PSMA4: variants seen among roughly 807,000 people sequenced by gnomAD.
PSMA4 encodes proteasome 20S subunit alpha 4.
PSMA4 carries 8 observed loss-of-function variants against 37.2 expected under a neutral mutation model. That is an observed-to-expected ratio of 0.22 (90% CI 0.13 to 0.39). PSMA4 has a LOEUF of 0.39. Among genes scored for constraint, PSMA4 ranks in the 10% least tolerant of loss-of-function variants. The pLI is 1.00. For synonymous variants in PSMA4, 93 were observed against 98.8 expected (o/e 0.94, Z 0.35); for missense variants, 169 against 305.1 (o/e 0.55, Z 3.32).
rs759121599 is a variant in PSMA4 at position 78,542,188 on chromosome 15, T to C, written c.15T>C (p.Tyr5=). 8 of 1,611,926 alleles carry C rather than the reference T, an allele frequency of 5.0e-6. No homozygotes were observed. Among genetic ancestry groups the C allele is most frequent in the African/African-American group, 4.0e-5 (3 of 74,820 alleles). Reference sequence around the variant, plus strand: ...TTTTTCCTTTGCAGTCTCGAAGATATGACTCCAGGACCACTATATTTTCTC... The same window carrying C: ...TTTTTCCTTTGCAGTCTCGAAGATACGACTCCAGGACCACTATATTTTCTC... MSRR[Y]DSRTTIFSPE... Residue 5 remains tyrosine (Y), a synonymous_variant, in exon 3 of 9, where the codon TAT becomes TAC. Transcript: ENST00000044462.
In PSMA4 at chr15:78,552,141, T is replaced by C. The variant is rs2052651747; in HGVS notation, c.*3197T>C. On this transcript the variant is annotated 3_prime_UTR_variant, in exon 9 of 9. Coordinates refer to ENST00000044462, the MANE Select transcript of PSMA4 (RefSeq NM_002789.6). ...TTAACCTGAGTTGCAGGACAGGTGG[T>C]TTCCAGAGTGTTGCCTGATGCATCC... 1.3e-5 allele frequency: 2 copies of C among 152,200 alleles called. No individual in the cohort carries two copies. The highest frequency in any genetic ancestry group is 6.5e-5 in the Admixed American group (1 of 15,276). The allele number at this position is 152,200 out of a possible 1,614,324, so 9.4% of individuals were successfully genotyped here.
Position 78,549,024 on chromosome 15 carries a change from C to G in PSMA4, c.*80C>G, listed in dbSNP as rs1240756242. On this transcript the variant is annotated 3_prime_UTR_variant, in exon 9 of 9. Coordinates refer to ENST00000044462, the MANE Select transcript of PSMA4 (RefSeq NM_002789.6). Reference sequence around the variant, plus strand: ...ACTCTTCCACACTAGGAAGGCTTTACTTTTTTTAACTGGTGCAGTGGGAAA... The same window carrying G: ...ACTCTTCCACACTAGGAAGGCTTTAGTTTTTTTAACTGGTGCAGTGGGAAA... The G allele has an allele frequency of 6.8e-7, 1 of 1,475,928 alleles. No individual in the cohort carries two copies. The highest frequency in any genetic ancestry group is 9.0e-7 in the Non-Finnish European group (1 of 1,116,798). The allele number at this position is 1,475,928 out of a possible 1,614,324, so 91.4% of individuals were successfully genotyped here.
chr15:78,545,417 A>G (rs2052534595), intron 6 of PSMA4, among the ~76,000 whole-genome samples: 1 of 152,252 alleles, frequency 6.6e-6, no homozygotes, highest in Non-Finnish European at 1.5e-5. Flanking sequence ...GAAATTCAGC[A>G]CTGGTCCTTT....
chr15:78,546,470 T>A, intron 7 of PSMA4, 105 bp from the exon 8 acceptor site: 1 of 1,065,964 alleles, frequency 9.4e-7, no homozygotes, highest in Admixed American at 3.4e-5. Flanking sequence ...AAAAATTGTT[T>A]ATACTTGTAA....
chr15:78,546,571 A>G lies in PSMA4; in HGVS notation c.508-4A>G, dbSNP rs768395741. ...AAAATTCTATGTTGATTCATGTTTT[A>G]TAGGCAGCTGTGTCAATGTTGAAAC... On this transcript the variant is annotated splice_region_variant and splice_polypyrimidine_tract_variant and intron_variant, in intron 7 of 8. Transcript: ENST00000044462. 2.5e-6 allele frequency: 4 copies of G among 1,575,758 alleles called. No homozygotes were observed. The highest frequency in any genetic ancestry group is 3.4e-6 in the Non-Finnish European group (4 of 1,170,276).
In PSMA4 at chr15:78,545,409, A is replaced by G. The variant is rs144627382; in HGVS notation, c.377-225A>G. On this transcript the variant is annotated intron_variant, in intron 6 of 8. Transcript: ENST00000044462. ...CTAACTGCTGTTTACATAATAATGA[A>G]ATTCAGCACTGGTCCTTTGTCTGTT... Among the ~76,000 whole-genome samples the G allele has an allele frequency of 1.7e-3, 253 of 152,348 alleles. 2 individuals carry two copies. The highest frequency in any genetic ancestry group is 2.8e-3 in the Non-Finnish European group (190 of 68,032).
At chr15:78,548,443 T>C (rs919473893) in intron 8 of PSMA4, among the ~76,000 whole-genome samples, 1 of 152,172 alleles carries the variant, frequency 6.6e-6, no homozygotes, top group Admixed American at 6.5e-5. Context: ...TAAGCTGTTA[T>C]TACCAGTTGA....
rs1567033412 is a variant in PSMA4, at chr15:78,542,159, T to C, written c.4-18T>C. On this transcript the variant is annotated intron_variant, in intron 2 of 8. Coordinates refer to ENST00000044462, the MANE Select transcript of PSMA4 (RefSeq NM_002789.6). The stretch of plus-strand genomic sequence containing the variant: ...ACTTTCAGTGGGTAGGAATCACTCA[T>C]GTGTTTTTCCTTTGCAGTCTCGAAG... 1.2e-6 allele frequency: 2 copies of C among 1,611,498 alleles called. No individual in the cohort carries two copies. Among genetic ancestry groups the C allele is most frequent in the Admixed American group, 1.7e-5 (1 of 59,788 alleles).
At chr15:78,541,158 G>C (rs1319985104) in intron 1 of PSMA4, 1 of 152,224 alleles carries the variant, frequency 6.6e-6, no homozygotes, top group African/African-American at 2.4e-5. Context: ...TTTTACCTGG[G>C]CACGCGGGCT....
chr15:78,544,740 C>A, intron 5 of PSMA4, 129 bp from the exon 6 acceptor site: 1 of 551,540 alleles, frequency 1.8e-6, no homozygotes, highest in Non-Finnish European at 3.2e-6. Context: ...TGACTTGTTC[C>A]CTCCCCTTCA....
chr15:78,545,777 G>T lies in PSMA4; in HGVS notation c.507+13G>T. ...AAATAATAGCGCTGTGAGTATTTTT[G>T]TTGTGCTATAAAATCTAGCAGAATG... On this transcript the variant is annotated intron_variant, in intron 7 of 8. Transcript: ENST00000044462. 1.2e-6 allele frequency: 2 copies of T among 1,613,002 alleles called. No individual in the cohort carries two copies. The highest frequency in any genetic ancestry group is 2.2e-5 in the South Asian group (2 of 91,010).
At chr15:78,543,978 C>G in intron 4 of PSMA4, 1 of 485,102 alleles carries the variant, frequency 2.1e-6, no homozygotes, top group Non-Finnish European at 3.7e-6. Context: ...TATTAAATAA[C>G]TTAAAGGGTG....
intron 8 of PSMA4, among the ~76,000 whole-genome samples, chr15:78,548,472 C>T (rs928674499): frequency 2.0e-5 from 3 of 152,144 alleles, no homozygotes; most frequent in African/African-American, 7.2e-5. Context: ...GCTGAGCCCT[C>T]AGAGGTTCCA....
intron 4 of PSMA4, 26 bp downstream of exon 4, chr15:78,542,671 T>TA (rs752756090): frequency 6.5e-5 from 103 of 1,573,282 alleles, no homozygotes; most frequent in Middle Eastern, 1.7e-4. Flanking sequence ...GGAAAGAGTT[T>TA]AAAAAAAATC....
At chr15:78,548,490 C>T (rs1288388636) in intron 8 of PSMA4, among the ~76,000 whole-genome samples, 5 of 152,042 alleles carry the variant, frequency 3.3e-5, no homozygotes, top group African/African-American at 1.2e-4. Flanking sequence ...CCAACAGTTC[C>T]GTCTAATCAG....
At chr15:78,543,974 ATAACT>A (rs1197894778) in intron 4 of PSMA4, 9 of 461,130 alleles carry the variant, frequency 2.0e-5, no homozygotes, top group Admixed American at 3.8e-5. Flanking sequence ...CATCTATTAA[ATAACT>A]TAAAGGGTGC....
chr15:78,546,500 A>G (rs2052555249), intron 7 of PSMA4, 75 bp from the exon 8 acceptor site: 8 of 1,366,384 alleles, frequency 5.9e-6, no homozygotes, highest in Admixed American at 5.5e-5. Context: ...TAATTCAGGC[A>G]TTTTTCTTCT....
At chr15:78,546,305 G>A (rs759730530) in intron 7 of PSMA4, among the ~76,000 whole-genome samples, 2 of 151,950 alleles carry the variant, frequency 1.3e-5, no homozygotes, top group East Asian at 1.9e-4. Flanking sequence ...TTTGCTGGGC[G>A]CCATGGCATG....
Position 78,544,167 on chromosome 15 carries a change from A to C in PSMA4, c.210-23A>C, listed in dbSNP as rs1231726990. On this transcript the variant is annotated intron_variant, in intron 4 of 8. Coordinates refer to ENST00000044462, the MANE Select transcript of PSMA4 (RefSeq NM_002789.6). ...TTGCAAGCATCTTCCCTGCTTACAG[A>C]TCAATGTCTTTTTTTCTTCAAGGGA... 4 of 1,584,842 alleles carry C rather than the reference A, an allele frequency of 2.5e-6. No individual in the cohort carries two copies. In the Admixed American group the frequency reaches 5.0e-5, roughly 20 times the overall value.
Sources: allele counts gnomAD v4.1 joint callset (sites outside exome capture counted in the v4.1 genomes callset), GRCh38; gene constraint gnomAD v4.1.1; transcripts MANE v1.5; gene names NCBI Gene and HGNC (gene_info 2026-07-23, HGNC 2026-07-21).